BMAL2: variants seen among roughly 807,000 people sequenced by gnomAD.
The protein encoded by BMAL2 is basic helix-loop-helix ARNT-like protein 2.
At chr12:27,383,226 G>A in the BMAL2 span, among the ~76,000 whole-genome samples, 1 of 152,214 alleles carries the variant, frequency 6.6e-6, no homozygotes, top group Non-Finnish European at 1.5e-5. Context: ...CTGTGAGATA[G>A]GGATGCATTT....
At chr12:27,376,949 CGA>C in the BMAL2 span, among the ~76,000 whole-genome samples, 1 of 135,382 alleles carries the variant, frequency 7.4e-6, no homozygotes, top group African/African-American at 2.8e-5. Context: ...TGCAGTGAGC[CGA>C]AATCGCGCCA....
chr12:27,335,590 T>G, the BMAL2 span, among the ~76,000 whole-genome samples: 6 of 152,246 alleles, frequency 3.9e-5, no homozygotes, highest in Admixed American at 6.5e-5. Context: ...CAATTTTGCC[T>G]AAGCTCCTGT....
the BMAL2 span, among the ~76,000 whole-genome samples, chr12:27,396,835 C>T: frequency 7.3e-3 from 1,115 of 152,266 alleles, 15 homozygotes; most frequent in African/African-American, 0.025. Flanking sequence ...CCTTGCAGGA[C>T]CTGGTTTGAG....
chr12:27,380,150 T>C, the BMAL2 span: 1 of 1,238,486 alleles, frequency 8.1e-7, no homozygotes. Flanking sequence ...GAACAGTGTG[T>C]GCCTGCTGGG....
the BMAL2 span, among the ~76,000 whole-genome samples, chr12:27,376,980 G>C: frequency 1.8e-5 from 2 of 112,362 alleles, no homozygotes; most frequent in Admixed American, 1.2e-4. Context: ...CAGCCTGGGC[G>C]ACAGAGCAAA....
At chr12:27,382,411 T>C in the BMAL2 span, among the ~76,000 whole-genome samples, 1 of 152,186 alleles carries the variant, frequency 6.6e-6, no homozygotes, top group South Asian at 2.1e-4. Flanking sequence ...CTAGGAAGAC[T>C]GACTTAGGAA....
the BMAL2 span, among the ~76,000 whole-genome samples, chr12:27,372,186 G>A: frequency 2.0e-5 from 3 of 146,954 alleles, no homozygotes; most frequent in Admixed American, 6.9e-5. Context: ...AGCCAAGGTC[G>A]TGCCACTGCA....
At chr12:27,411,083 ATC>A in the BMAL2 span, among the ~76,000 whole-genome samples, 1 of 152,144 alleles carries the variant, frequency 6.6e-6, no homozygotes, top group African/African-American at 2.4e-5. Context: ...AATTTTATAT[ATC>A]TCTATATCTT....
chr12:27,336,762 C>G, the BMAL2 span, among the ~76,000 whole-genome samples: 1 of 151,996 alleles, frequency 6.6e-6, no homozygotes, highest in Non-Finnish European at 1.5e-5. Context: ...ACCAGCCTGG[C>G]CAACATGGTG....
the BMAL2 span, among the ~76,000 whole-genome samples, chr12:27,342,952 G>T: frequency 6.6e-6 from 1 of 152,202 alleles, no homozygotes. Context: ...TCTGGGGTAT[G>T]TGGTCATAAG....
the BMAL2 span, among the ~76,000 whole-genome samples, chr12:27,345,179 T>G: frequency 6.6e-6 from 1 of 152,220 alleles, no homozygotes; most frequent in African/African-American, 2.4e-5. Flanking sequence ...TGTTTATAGA[T>G]TTCCTCAATT....
chr12:27,370,103 G>A, the BMAL2 span: 3 of 1,562,112 alleles, frequency 1.9e-6, no homozygotes, highest in Non-Finnish European at 2.6e-6. Context: ...TGGGTAGGGG[G>A]TGACCCAAGG....
chr12:27,396,188 G>T, the BMAL2 span, among the ~76,000 whole-genome samples: 1 of 152,180 alleles, frequency 6.6e-6, no homozygotes, highest in Admixed American at 6.5e-5. Context: ...AATACAGTGG[G>T]TAATGACAGC....
At chr12:27,420,627 T>A in the BMAL2 span, 1 of 1,301,600 alleles carries the variant, frequency 7.7e-7, no homozygotes, top group African/African-American at 1.5e-5. Context: ...ATTGATATTG[T>A]TTGTATCTTT....
At chr12:27,390,905 A>G in the BMAL2 span, among the ~76,000 whole-genome samples, 16 of 152,194 alleles carry the variant, frequency 1.1e-4, no homozygotes, top group Non-Finnish European at 2.2e-4. Flanking sequence ...ATCCTTTAAA[A>G]GGATATTTAT....
At chr12:27,382,345 G>A in the BMAL2 span, among the ~76,000 whole-genome samples, 25 of 152,332 alleles carry the variant, frequency 1.6e-4, no homozygotes, top group African/African-American at 4.6e-4. Context: ...GTTCTGTGCT[G>A]AGAATATAAA....
At chr12:27,407,567 C>T in the BMAL2 span, among the ~76,000 whole-genome samples, 1 of 151,866 alleles carries the variant, frequency 6.6e-6, no homozygotes, top group African/African-American at 2.4e-5. Flanking sequence ...CACAACATAC[C>T]AGAATCTCTG....
chr12:27,407,296 T>C, the BMAL2 span, among the ~76,000 whole-genome samples: 1 of 152,312 alleles, frequency 6.6e-6, no homozygotes, highest in African/African-American at 2.4e-5. Flanking sequence ...ATACATTCTT[T>C]TCAGCACTAC....
At chr12:27,355,410 T>G in the BMAL2 span, among the ~76,000 whole-genome samples, 44 of 152,340 alleles carry the variant, frequency 2.9e-4, no homozygotes, top group Middle Eastern at 6.8e-3. Flanking sequence ...CATATTTTTA[T>G]GGCTCTCCCA....
Sources: allele counts gnomAD v4.1 joint callset (sites outside exome capture counted in the v4.1 genomes callset), GRCh38; gene constraint gnomAD v4.1.1; transcripts MANE v1.5; gene names NCBI Gene and HGNC (gene_info 2026-07-23, HGNC 2026-07-21).